The following ZFPM2 variants were observed in gnomAD, a reference collection of about 807,000 sequenced individuals.
ZFPM2 encodes zinc finger protein, FOG family member 2.
A neutral mutation model predicts 98.6 loss-of-function variants in ZFPM2; 20 were observed. That is an observed-to-expected ratio of 0.20 (90% CI 0.14 to 0.29). ZFPM2 has a LOEUF of 0.29. Among genes scored for constraint, ZFPM2 ranks in the 10% least tolerant of loss-of-function variants. The probability of loss-of-function intolerance (pLI) is 1.00; values close to 1 mark genes in which losing one functional copy is unlikely to be tolerated. For missense variants in ZFPM2, 1,310 were observed against 1,388.6 expected (o/e 0.94, Z 0.90); for synonymous variants, 518 against 502.7 (o/e 1.03, Z -0.41).
rs189200545 is a variant in ZFPM2, at chr8:105,522,010, G to A, written c.302-39353G>A. 2.3e-3 allele frequency among the ~76,000 whole-genome samples: 347 copies of A among 152,334 alleles called. 1 individual carries two copies. The highest frequency in any genetic ancestry group is 3.4e-3 in the Middle Eastern group (1 of 294). ...GTAAAAAAAGACAAATGAAAGAGTA[G>A]TACAGAATTCATCCAGATATTGTTT... On this transcript the variant is annotated intron_variant, in intron 3 of 7. Coordinates refer to ENST00000407775, the MANE Select transcript of ZFPM2 (RefSeq NM_012082.4).
chr8:105,498,688 A>G (rs1255624714), intron 3 of ZFPM2, among the ~76,000 whole-genome samples: 1 of 152,178 alleles, frequency 6.6e-6, no homozygotes, highest in Non-Finnish European at 1.5e-5. Flanking sequence ...AGCATATGCA[A>G]AGATTCGATG....
chr8:105,444,516 T>C, intron 3 of ZFPM2, 135 bp downstream of exon 3: 1 of 493,928 alleles, frequency 2.0e-6, no homozygotes, highest in Non-Finnish European at 3.5e-6. Context: ...TAAATAAAGA[T>C]TATTATTTTA....
intron 2 of ZFPM2, among the ~76,000 whole-genome samples, chr8:105,420,705 C>A (rs1193579243): frequency 2.0e-5 from 3 of 152,076 alleles, no homozygotes; most frequent in African/African-American, 7.2e-5. Context: ...TAAATCTAAG[C>A]TGTCTGGAGA....
In ZFPM2 at chr8:105,392,219, C is replaced by G. The variant is rs1471750818; in HGVS notation, c.41-26925C>G. ...TCAACAGAGGGCTTGAAATACCAAT[C>G]AGGCTTTGAAGTTAACCCAATCTTT... On this transcript the variant is annotated intron_variant, in intron 1 of 7. Transcript: ENST00000407775. 2.0e-5 allele frequency among the ~76,000 whole-genome samples: 3 copies of G among 152,156 alleles called. No homozygotes were observed. In the East Asian group the frequency reaches 5.8e-4, roughly 29 times the overall value.
chr8:105,642,250 C>T (rs527954033), intron 5 of ZFPM2, among the ~76,000 whole-genome samples: 2 of 151,930 alleles, frequency 1.3e-5, no homozygotes, highest in Non-Finnish European at 2.9e-5. Flanking sequence ...GCAGAATATG[C>T]GGCTTTGTGC....
intron 5 of ZFPM2, among the ~76,000 whole-genome samples, chr8:105,731,892 T>G (rs915669992): frequency 6.6e-6 from 1 of 151,826 alleles, no homozygotes; most frequent in Admixed American, 6.6e-5. Context: ...TGTTTGTTGC[T>G]TGTATCTTCC....
At chr8:105,452,905 G>A (rs940658444) in intron 3 of ZFPM2, among the ~76,000 whole-genome samples, 9 of 152,250 alleles carry the variant, frequency 5.9e-5, no homozygotes, top group South Asian at 2.1e-4. Context: ...ATTGACTCTC[G>A]TATCTGGAAA....
At chr8:105,402,669 C>G (rs1309104997) in intron 1 of ZFPM2, among the ~76,000 whole-genome samples, 2 of 151,962 alleles carry the variant, frequency 1.3e-5, no homozygotes, top group Non-Finnish European at 2.9e-5. Flanking sequence ...TTAGTCCCAA[C>G]AAGCATTTAG....
At chr8:105,658,606 A>AAAAAAAAAAAAAAAAAAAAC (rs1563508874) in intron 5 of ZFPM2, among the ~76,000 whole-genome samples, 1 of 40,486 alleles carries the variant, frequency 2.5e-5, no homozygotes, top group Non-Finnish European at 4.9e-5. Flanking sequence ...AAAAAAAAAA[A>AAAAAAAAAAAAAAAAAAAAC]AAAAAGAAAT....
chr8:105,343,982 A>T (rs962939513), intron 1 of ZFPM2, among the ~76,000 whole-genome samples: 1 of 152,170 alleles, frequency 6.6e-6, no homozygotes, highest in Non-Finnish European at 1.5e-5. Flanking sequence ...AGGCCTCACA[A>T]TCATGGCAGA....
chr8:105,775,191 A>G (rs1813073931), intron 5 of ZFPM2, among the ~76,000 whole-genome samples: 1 of 152,118 alleles, frequency 6.6e-6, no homozygotes, highest in Non-Finnish European at 1.5e-5. Flanking sequence ...AGGATACCGC[A>G]ATGGATATTG....
At chr8:105,519,293 T>C (rs1024309741) in intron 3 of ZFPM2, among the ~76,000 whole-genome samples, 1 of 152,164 alleles carries the variant, frequency 6.6e-6, no homozygotes, top group African/African-American at 2.4e-5. Context: ...AAATTTTATA[T>C]GGTTTTGATA....
chr8:105,487,609 A>G (rs1469114232), intron 3 of ZFPM2, among the ~76,000 whole-genome samples: 2 of 152,208 alleles, frequency 1.3e-5, no homozygotes, highest in East Asian at 3.8e-4. Flanking sequence ...ATTAATGGAC[A>G]TGAATGTGTT....
intron 1 of ZFPM2, among the ~76,000 whole-genome samples, chr8:105,346,341 G>A (rs1379341453): frequency 1.3e-5 from 2 of 150,634 alleles, no homozygotes; most frequent in African/African-American, 2.4e-5. Context: ...CCGAGATCAC[G>A]CCATTGCACT....
intron 3 of ZFPM2, among the ~76,000 whole-genome samples, chr8:105,459,292 C>T (rs914859643): frequency 6.6e-6 from 1 of 152,120 alleles, no homozygotes; most frequent in Non-Finnish European, 1.5e-5. Flanking sequence ...CAAATAGGAA[C>T]CAGAACCTTC....
At position 105,663,790 on chromosome 8, in the gene ZFPM2, C is replaced by T. The variant is rs537119747; in HGVS notation, c.532+29433C>T. On this transcript the variant is annotated intron_variant, in intron 5 of 7. Coordinates refer to ENST00000407775, the MANE Select transcript of ZFPM2 (RefSeq NM_012082.4). ...ATGTGTTAAAATTAAAATTAAATTT[C>T]CAATTTAATCAAGTATAATGTTCAC... 1.1e-3 allele frequency among the ~76,000 whole-genome samples: 161 copies of T among 152,240 alleles called. 1 individual carries two copies. The highest frequency in any genetic ancestry group is 3.8e-3 in the African/African-American group (156 of 41,538).
At chr8:105,344,559 A>G (rs1372561473) in intron 1 of ZFPM2, among the ~76,000 whole-genome samples, 1 of 152,054 alleles carries the variant, frequency 6.6e-6, no homozygotes, top group Non-Finnish European at 1.5e-5. Context: ...TATACACAGT[A>G]TGTGTTTGTA....
intron 5 of ZFPM2, among the ~76,000 whole-genome samples, chr8:105,730,442 T>C (rs1438177920): frequency 4.6e-5 from 7 of 151,810 alleles, no homozygotes; most frequent in Non-Finnish European, 1.0e-4. Flanking sequence ...AGTTCAGTGA[T>C]GCCAATCACC....
chr8:105,786,032 A>T (rs929706457), intron 5 of ZFPM2, among the ~76,000 whole-genome samples: 1 of 117,670 alleles, frequency 8.5e-6, no homozygotes, highest in South Asian at 2.8e-4. Flanking sequence ...ACAGAGGGAG[A>T]CTCCGTCTCA....
Sources: gnomAD v4.1 joint callset for allele counts (sites outside exome capture counted in the v4.1 genomes callset) on GRCh38, gnomAD v4.1.1 for gene constraint, MANE v1.5 for transcripts, NCBI Gene and HGNC (gene_info 2026-07-23, HGNC 2026-07-21) for gene names.